Variants in ZNF521 observed in about 807,000 individuals in gnomAD.
ZNF521 encodes zinc finger protein 521.
In ZNF521, 14 loss-of-function variants were observed where a neutral mutation model predicts 105.5. The observed-to-expected ratio is 0.13, with a 90% CI of 0.09 to 0.21. ZNF521 has a LOEUF of 0.21. ZNF521 is among the 10% of genes least tolerant of loss of function. ZNF521 has a pLI of 1.00. For synonymous variants in ZNF521, 635 were observed against 606.0 expected (o/e 1.05, Z -0.70); for missense variants, 1,233 against 1,629.7 (o/e 0.76, Z 4.19).
intron 3 of ZNF521, among the ~76,000 whole-genome samples, chr18:25,315,228 G>A (rs1008436008): frequency 2.0e-5 from 3 of 152,180 alleles, no homozygotes; most frequent in African/African-American, 7.2e-5. Flanking sequence ...AGACAGCAAG[G>A]CTGGGGCAAG....
intron 3 of ZNF521, among the ~76,000 whole-genome samples, chr18:25,235,707 A>C (rs1395678154): frequency 6.6e-6 from 1 of 152,216 alleles, no homozygotes; most frequent in African/African-American, 2.4e-5. Context: ...CCTGTATTAT[A>C]ACCATGGCAG....
At chr18:25,083,929 T>A (rs1321022845) in intron 7 of ZNF521, among the ~76,000 whole-genome samples, 1 of 107,822 alleles carries the variant, frequency 9.3e-6, no homozygotes, top group East Asian at 2.7e-4. Flanking sequence ...TCAACCTGGG[T>A]AATTTTTTTT....
chr18:25,181,797 A>G (rs1291984099), intron 5 of ZNF521, among the ~76,000 whole-genome samples: 1 of 152,182 alleles, frequency 6.6e-6, no homozygotes, highest in Non-Finnish European at 1.5e-5. Context: ...GGTACCGAAA[A>G]AGGAAGGCTG....
intron 3 of ZNF521, among the ~76,000 whole-genome samples, chr18:25,310,554 A>G (rs538006428): frequency 1.3e-5 from 2 of 152,294 alleles, no homozygotes; most frequent in African/African-American, 2.4e-5. Flanking sequence ...GAGAATAGGT[A>G]TATATTCTTT....
intron 2 of ZNF521, among the ~76,000 whole-genome samples, chr18:25,330,715 G>A (rs945363346): frequency 1.3e-5 from 2 of 152,130 alleles, no homozygotes; most frequent in African/African-American, 4.8e-5. Context: ...TTTACTTGGA[G>A]TTCATGATTC....
At chr18:25,349,872 C>T (rs894341264) in intron 2 of ZNF521, among the ~76,000 whole-genome samples, 2 of 150,676 alleles carry the variant, frequency 1.3e-5, no homozygotes, top group African/African-American at 4.8e-5. Flanking sequence ...GCCCCCTGGC[C>T]CTCGCCCCGG....
At chr18:25,327,697 T>C (rs1390173755) in intron 2 of ZNF521, 1 of 518,764 alleles carries the variant, frequency 1.9e-6, no homozygotes, top group African/African-American at 1.9e-5. Flanking sequence ...TGAAATCCCA[T>C]AAGACGAAAA....
rs575668884 is a variant in ZNF521, at chr18:25,157,146, C to T, written c.3658+38014G>A. On this transcript the variant is annotated intron_variant, in intron 5 of 7. Transcript: ENST00000361524. ...CTGGGAGGCGGAGTTTGCAGTGAGC[C>T]GAGATTGCACCACTGCCTCCAGCCT... 9.2e-5 allele frequency among the ~76,000 whole-genome samples: 14 copies of T among 152,026 alleles called. No individual in the cohort carries two copies. In the East Asian group the frequency reaches 2.1e-3, roughly 23 times the overall value.
intron 7 of ZNF521, among the ~76,000 whole-genome samples, chr18:25,084,635 T>C (rs982501679): frequency 6.6e-6 from 1 of 152,216 alleles, no homozygotes; most frequent in Non-Finnish European, 1.5e-5. Flanking sequence ...TCAAAAGGAA[T>C]TGAAATACTA....
At chr18:25,155,753 G>A (rs577621564) in intron 5 of ZNF521, among the ~76,000 whole-genome samples, 1 of 152,142 alleles carries the variant, frequency 6.6e-6, no homozygotes, top group South Asian at 2.1e-4. Flanking sequence ...ATGAACAAAT[G>A]GATAAACTGT....
chr18:25,346,443 A>G (rs569781671), intron 2 of ZNF521, among the ~76,000 whole-genome samples: 3 of 152,198 alleles, frequency 2.0e-5, no homozygotes, highest in Non-Finnish European at 2.9e-5. Context: ...TCTAACACCT[A>G]CAATTTTTAG....
intron 3 of ZNF521, among the ~76,000 whole-genome samples, chr18:25,243,750 T>C (rs948797089): frequency 2.6e-5 from 4 of 152,178 alleles, no homozygotes; most frequent in Non-Finnish European, 5.9e-5. Flanking sequence ...AAGTGGGCAC[T>C]AAGTGTCTTG....
chr18:25,169,448 C>T (rs925937269), intron 5 of ZNF521, among the ~76,000 whole-genome samples: 2 of 152,124 alleles, frequency 1.3e-5, no homozygotes, highest in African/African-American at 4.8e-5. Flanking sequence ...AGGTCTGGTA[C>T]AGGCCCAGAA....
intron 3 of ZNF521, among the ~76,000 whole-genome samples, chr18:25,288,255 A>C (rs1910817944): frequency 6.6e-6 from 1 of 152,184 alleles, no homozygotes; most frequent in Non-Finnish European, 1.5e-5. Context: ...TAACAAGCAA[A>C]TGTGATGCCC....
rs185832060 is a variant in ZNF521, at chr18:25,300,085, C to T, written c.220+21923G>A. On this transcript the variant is annotated intron_variant, in intron 3 of 7. Coordinates refer to ENST00000361524, the MANE Select transcript of ZNF521 (RefSeq NM_015461.3). ...AGACTGCAACTTAGACCCTGAAGTA[C>T]TCCTTCTTGGAACCTAGACCCATGC... Among the ~76,000 whole-genome samples, 7 of 152,298 alleles carry T rather than the reference C, an allele frequency of 4.6e-5. No individual in the cohort carries two copies. In the East Asian group the frequency reaches 1.4e-3, roughly 29 times the overall value.
At chr18:25,090,641 T>C (rs1372079537) in intron 6 of ZNF521, among the ~76,000 whole-genome samples, 1 of 152,232 alleles carries the variant, frequency 6.6e-6, no homozygotes, top group African/African-American at 2.4e-5. Context: ...TTTATCCGTA[T>C]CAACAAGAAG....
At chr18:25,216,906 C>T (rs1905362909) in intron 4 of ZNF521, among the ~76,000 whole-genome samples, 1 of 152,096 alleles carries the variant, frequency 6.6e-6, no homozygotes, top group African/African-American at 2.4e-5. Context: ...GGGCAGACCA[C>T]CTTTGATAAG....
intron 7 of ZNF521, among the ~76,000 whole-genome samples, chr18:25,086,124 GC>G (rs2033617904): frequency 2.0e-5 from 3 of 152,022 alleles, no homozygotes; most frequent in African/African-American, 7.2e-5. Flanking sequence ...GCACACCAAG[GC>G]ATGAACTACA....
chr18:25,300,495 C>G (rs1372903012), intron 3 of ZNF521, among the ~76,000 whole-genome samples: 1 of 152,066 alleles, frequency 6.6e-6, no homozygotes. Flanking sequence ...AGAGAACAGT[C>G]TTATGTTGGC....
Sources: allele counts gnomAD v4.1 joint callset (sites outside exome capture counted in the v4.1 genomes callset), GRCh38; gene constraint gnomAD v4.1.1; transcripts MANE v1.5; gene names NCBI Gene and HGNC (gene_info 2026-07-23, HGNC 2026-07-21).